NOP58: variants seen among roughly 807,000 people sequenced by gnomAD.
NOP58 encodes the protein nucleolar protein 58.
Under a neutral mutation model 71.2 loss-of-function variants are expected in NOP58, and 44 were observed. The ratio of observed to expected loss-of-function variants is 0.62; its 90% confidence interval spans 0.49 to 0.79. The LOEUF is 0.79. NOP58 is among the 30% of genes least tolerant of loss of function. NOP58 has a pLI of 0.00. For synonymous variants in NOP58, 228 were observed against 200.3 expected (o/e 1.14, Z -1.17); for missense variants, 538 against 620.2 (o/e 0.87, Z 1.41).
At chr2:202,277,114 C>T (rs562185664) in intron 2 of NOP58, among the ~76,000 whole-genome samples, 5 of 152,094 alleles carry the variant, frequency 3.3e-5, no homozygotes, top group Non-Finnish European at 7.4e-5. Flanking sequence ...GGTGAAACCC[C>T]GTCTCTACGA....
At chr2:202,286,819 T>A (rs1033031709) in intron 5 of NOP58, among the ~76,000 whole-genome samples, 1 of 152,208 alleles carries the variant, frequency 6.6e-6, no homozygotes, top group Non-Finnish European at 1.5e-5. Context: ...GGTTGGGGTC[T>A]GCCATGAGTA....
intron 13 of NOP58, 40 bp from the exon 14 acceptor site, chr2:202,302,881 C>T: frequency 6.4e-7 from 1 of 1,574,186 alleles, no homozygotes; most frequent in Non-Finnish European, 8.5e-7. Flanking sequence ...AGATCTGATA[C>T]AGTGTTAATT....
At chr2:202,275,543 C>T in intron 2 of NOP58, 1 of 171,144 alleles carries the variant, frequency 5.8e-6, no homozygotes, top group Non-Finnish European at 1.2e-5. Context: ...TAACTAAGCA[C>T]TTACCGCACA....
At chr2:202,296,977 C>T (rs1332438683) in intron 10 of NOP58, among the ~76,000 whole-genome samples, 1 of 152,186 alleles carries the variant, frequency 6.6e-6, no homozygotes, top group Non-Finnish European at 1.5e-5. Context: ...TCGTGATCCA[C>T]TCGCCTCGGC....
At chr2:202,268,605 GTTTTTTGT>G (rs1356469566) in intron 1 of NOP58, among the ~76,000 whole-genome samples, 51 of 151,442 alleles carry the variant, frequency 3.4e-4, no homozygotes, top group African/African-American at 1.2e-3. Flanking sequence ...GTTTTTTGAA[GTTTTTTGT>G]TTTTTTGTTT....
chr2:202,277,802 C>G, intron 2 of NOP58, 148 bp from the exon 3 acceptor site: 1 of 571,802 alleles, frequency 1.7e-6, no homozygotes, highest in Non-Finnish European at 3.2e-6. Context: ...TGAAGAATAT[C>G]TAACTTCACA....
chr2:202,267,422 C>A (rs1688436056), intron 1 of NOP58, among the ~76,000 whole-genome samples: 1 of 152,134 alleles, frequency 6.6e-6, no homozygotes, highest in Non-Finnish European at 1.5e-5. Flanking sequence ...ATCATTAAAA[C>A]CGAAAAGGCA....
rs753297999 is a variant in NOP58, at chr2:202,301,757, A to G, written c.1403-1164A>G. Among the ~76,000 whole-genome samples the G allele has an allele frequency of 4.2e-4, 63 of 151,652 alleles. 2 individuals are homozygous for G. Among genetic ancestry groups the G allele is most frequent in the Non-Finnish European group, 1.0e-4 (7 of 67,962 alleles). The stretch of plus-strand genomic sequence containing the variant: ...GCATCTGCTCTACTCTACCTGGACT[A>G]TTTTCCCTCAAGATACATGTATCAT... On this transcript the variant is annotated intron_variant, in intron 13 of 14. Coordinates refer to ENST00000264279, the MANE Select transcript of NOP58 (RefSeq NM_015934.5).
chr2:202,287,551 C>G (rs1014028276), intron 5 of NOP58, 109 bp from the exon 6 acceptor site: 15 of 759,918 alleles, frequency 2.0e-5, no homozygotes, highest in Non-Finnish European at 2.7e-5. Context: ...ACAGCTCTGA[C>G]TACAGGCTGA....
At position 202,276,981 on chromosome 2, in the gene NOP58, T is replaced by C. The variant is rs572372774; in HGVS notation, c.123-969T>C. ...GTGAAACCTCTTCTCTACTAAAAAA[T>C]ACAAAAAAATTAGCCAGCCATGGGG... On this transcript the variant is annotated intron_variant, in intron 2 of 14. Coordinates refer to ENST00000264279, the MANE Select transcript of NOP58 (RefSeq NM_015934.5). Among the ~76,000 whole-genome samples the C allele has an allele frequency of 6.4e-5, 9 of 141,090 alleles. No individual in the cohort carries two copies. The East Asian group carries it at 1.7e-3, about 27-fold the overall frequency. 92.6% of individuals were successfully genotyped at this position (141,090 alleles called of 152,430 possible). A position where few individuals can be genotyped will look rare whatever the true frequency, so the allele number is the denominator to read the frequency against.
chr2:202,290,375 A>G lies in NOP58; in HGVS notation c.552A>G (p.Arg184=), dbSNP rs1574385111. 1 of 1,606,350 alleles carries G rather than the reference A, an allele frequency of 6.2e-7. No individual in the cohort carries two copies. Among genetic ancestry groups the G allele is most frequent in the Non-Finnish European group, 8.5e-7 (1 of 1,173,306 alleles). ...KELNNYIMRC[R]EWYGWHFPEL... The stretch of plus-strand genomic sequence containing the variant: ...TAAACAACTACATTATGCGATGTAG[A>G]GAATGGTATGGCTGGCATTTCCCTG... Residue 184 remains arginine, a synonymous_variant, in exon 7 of 15, where the codon AGA becomes AGG. Transcript: ENST00000264279.
In NOP58 at chr2:202,292,874, T is replaced by C; in HGVS notation, c.878T>C (p.Leu293Ser). 1.2e-6 allele frequency: 2 copies of C among 1,614,106 alleles called. No individual in the cohort carries two copies. Among genetic ancestry groups the C allele is most frequent in the Non-Finnish European group, 1.7e-6 (2 of 1,179,934 alleles). Residue 293 changes from leucine (L) to serine (S), a missense_variant, in exon 9 of 15, where the codon TTA becomes TCA. By Grantham distance (145) the Leu-to-Ser change is moderately radical (BLOSUM62 -2). Coordinates refer to ENST00000264279, the MANE Select transcript of NOP58 (RefSeq NM_015934.5). ...AATGTTACAGTCATGGTTGGGGAAT[T>C]AGTTGGAGCACGGCTTATTGCTCAT... is the stretch of plus-strand genomic sequence containing the variant. Reference protein sequence around the residue: ...APNVTVMVGELVGARLIAHAG... With the variant: ...APNVTVMVGESVGARLIAHAG...
chr2:202,292,827 T>C lies in NOP58; in HGVS notation c.831T>C (p.Asn277=). 1 of 1,613,280 alleles carries C rather than the reference T, an allele frequency of 6.2e-7. No individual in the cohort carries two copies. Among genetic ancestry groups the C allele is most frequent in the South Asian group, 1.1e-5 (1 of 91,064 alleles). Residue 277 remains asparagine, a synonymous_variant, in exon 9 of 15, where the codon AAT becomes AAC. Transcript: ENST00000264279. ...YRTQLYEYLQ[N]RMMAIAPNVT... is the part of the protein sequence containing the mutation. ...CCCAGCTCTATGAATATCTACAAAA[T>C]CGAATGATGGCCATTGCACCCAATG...
At chr2:202,277,693 A>G (rs899771798) in intron 2 of NOP58, among the ~76,000 whole-genome samples, 2 of 152,190 alleles carry the variant, frequency 1.3e-5, no homozygotes, top group African/African-American at 2.4e-5. Context: ...TAAAGCTTCA[A>G]CATCTTTACT....
rs189711112 is a variant in NOP58 at position 202,270,992 on chromosome 2, G to A, written c.46-4121G>A. The stretch of plus-strand genomic sequence containing the variant: ...AAATCTGTAGTCCCAGCTGAGGCAG[G>A]AGGATCGCTTGAACCAGGGAGGTGG... On this transcript the variant is annotated intron_variant, in intron 1 of 14. Transcript: ENST00000264279. Among the ~76,000 whole-genome samples, 199 of 152,094 alleles carry A rather than the reference G, an allele frequency of 1.3e-3. 1 individual carries two copies. The highest frequency in any genetic ancestry group is 4.7e-3 in the African/African-American group (193 of 41,496).
In NOP58 at chr2:202,277,804, A is replaced by G. The variant is rs1260448942; in HGVS notation, c.123-146A>G. The G allele has an allele frequency of 2.1e-4, 122 of 578,216 alleles. No homozygotes were observed. In the East Asian group the frequency reaches 3.4e-3, roughly 16 times the overall value. The allele number at this position is 578,216 out of a possible 1,614,324, so 35.8% of individuals were successfully genotyped here. A position where few individuals can be genotyped will look rare whatever the true frequency, so the allele number is the denominator to read the frequency against. On this transcript the variant is annotated intron_variant, in intron 2 of 14. Coordinates refer to ENST00000264279, the MANE Select transcript of NOP58 (RefSeq NM_015934.5). ...ACTAGTAATTGTATGAAGAATATCT[A>G]ACTTCACACCCTGATACACAATGGT... is the stretch of plus-strand genomic sequence containing the variant.
intron 7 of NOP58, 92 bp from the exon 8 acceptor site, chr2:202,291,033 T>A (rs1332872115): frequency 1.7e-6 from 2 of 1,202,128 alleles, no homozygotes; most frequent in Admixed American, 5.4e-5. Context: ...ATCCTTTTCA[T>A]TGGCTTTCTA....
intron 3 of NOP58, among the ~76,000 whole-genome samples, chr2:202,281,165 T>C (rs1229484727): frequency 6.6e-6 from 1 of 151,322 alleles, no homozygotes; most frequent in Non-Finnish European, 1.5e-5. Flanking sequence ...GGAGTTTTGC[T>C]CTTGTCACTT....
intron 10 of NOP58, among the ~76,000 whole-genome samples, chr2:202,296,234 T>C (rs558079388): frequency 6.8e-4 from 104 of 152,274 alleles, no homozygotes; most frequent in African/African-American, 2.0e-3. Context: ...TCCCGCTCTG[T>C]CGCCAGGCTA....
Sources: allele counts gnomAD v4.1 joint callset (sites outside exome capture counted in the v4.1 genomes callset), GRCh38; gene constraint gnomAD v4.1.1; transcripts MANE v1.5; gene names NCBI Gene and HGNC (gene_info 2026-07-23, HGNC 2026-07-21).